Variants in NEGR1 observed in about 807,000 individuals in gnomAD.
The protein encoded by NEGR1 is neuronal growth regulator 1, also known as IgLON family member 4.
NEGR1 carries 10 observed loss-of-function variants against 40.9 expected under a neutral mutation model. That is an observed-to-expected ratio of 0.24 (90% CI 0.15 to 0.42). NEGR1 has a LOEUF of 0.42. NEGR1 is among the 10% of genes least tolerant of loss of function. The probability of loss-of-function intolerance (pLI) is 1.00; values close to 1 mark genes in which losing one functional copy is unlikely to be tolerated. For synonymous variants in NEGR1, 185 were observed against 166.8 expected, an observed-to-expected ratio of 1.11 and a Z score of -0.84; for missense variants, 352 against 438.9, an observed-to-expected ratio of 0.80 and a Z score of 1.77.
At chr1:71,478,573 G>T (rs188371471) in intron 6 of NEGR1, among the ~76,000 whole-genome samples, 1 of 152,032 alleles carries the variant, frequency 6.6e-6, no homozygotes, top group South Asian at 2.1e-4. Flanking sequence ...TCTTAGTTTG[G>T]GTAGGAATGG....
At chr1:72,212,722 G>A (rs889375318) in intron 1 of NEGR1, among the ~76,000 whole-genome samples, 9 of 151,910 alleles carry the variant, frequency 5.9e-5, no homozygotes, top group Admixed American at 4.0e-4. Flanking sequence ...AGATCAAACA[G>A]CTATTCTAAA....
At chr1:71,872,953 G>A (rs938969579) in intron 2 of NEGR1, among the ~76,000 whole-genome samples, 6 of 151,560 alleles carry the variant, frequency 4.0e-5, no homozygotes, top group Admixed American at 2.0e-4. Flanking sequence ...GGAAGTTAGC[G>A]GAACCCACAC....
chr1:71,904,596 G>A (rs1374776523), intron 2 of NEGR1, among the ~76,000 whole-genome samples: 1 of 152,120 alleles, frequency 6.6e-6, no homozygotes, highest in Admixed American at 6.6e-5. Flanking sequence ...AGGAAGTAAA[G>A]AGAAAGTTTG....
chr1:71,650,881 A>C (rs773787057), intron 4 of NEGR1, among the ~76,000 whole-genome samples: 1 of 152,186 alleles, frequency 6.6e-6, no homozygotes, highest in East Asian at 1.9e-4. Flanking sequence ...TATTTAGGGC[A>C]GTAGAATGAT....
intron 3 of NEGR1, among the ~76,000 whole-genome samples, chr1:71,757,818 A>G (rs1655794350): frequency 1.3e-5 from 2 of 152,120 alleles, no homozygotes; most frequent in African/African-American, 4.8e-5. Context: ...GGCAATCATT[A>G]ACTTGCATTT....
intron 1 of NEGR1, among the ~76,000 whole-genome samples, chr1:72,199,146 CAGACAGAGAGAG>C (rs1300638771): frequency 4.1e-4 from 57 of 139,172 alleles, no homozygotes; most frequent in South Asian, 4.6e-4. Flanking sequence ...TCTAGATAGA[CAGACAGAGAGAG>C]AGAGAGAGAG....
intron 2 of NEGR1, among the ~76,000 whole-genome samples, chr1:71,909,627 G>C (rs1661369568): frequency 6.6e-6 from 1 of 152,122 alleles, no homozygotes; most frequent in African/African-American, 2.4e-5. Flanking sequence ...TGAATTGTCA[G>C]TTTTAACTGG....
intron 2 of NEGR1, among the ~76,000 whole-genome samples, chr1:71,794,790 A>G (rs900397739): frequency 2.0e-5 from 3 of 152,128 alleles, no homozygotes; most frequent in African/African-American, 7.2e-5. Flanking sequence ...CCATAAACTG[A>G]TTTAAATAAA....
intron 3 of NEGR1, among the ~76,000 whole-genome samples, chr1:71,722,848 G>T (rs2101655197): frequency 6.6e-6 from 1 of 152,044 alleles, no homozygotes; most frequent in African/African-American, 2.4e-5. Context: ...TCAAGATCAG[G>T]AATATATCCA....
intron 1 of NEGR1, among the ~76,000 whole-genome samples, chr1:71,936,912 G>T (rs1174817509): frequency 6.6e-6 from 1 of 152,124 alleles, no homozygotes; most frequent in African/African-American, 2.4e-5. Flanking sequence ...AAAATGTTCT[G>T]TTACAAATTA....
At chr1:71,655,820 G>A (rs1651856757) in intron 4 of NEGR1, among the ~76,000 whole-genome samples, 1 of 152,154 alleles carries the variant, frequency 6.6e-6, no homozygotes. Flanking sequence ...ATCACAGAGG[G>A]AAAGTAGCAG....
At chr1:71,636,422 G>C (rs557578977) in intron 4 of NEGR1, among the ~76,000 whole-genome samples, 1 of 151,990 alleles carries the variant, frequency 6.6e-6, no homozygotes, top group Admixed American at 6.6e-5. Context: ...TTTTTTGAAG[G>C]CCACAGATAA....
intron 4 of NEGR1, among the ~76,000 whole-genome samples, chr1:71,692,299 A>G (rs1653313296): frequency 1.3e-5 from 2 of 151,880 alleles, no homozygotes; most frequent in South Asian, 2.1e-4. Flanking sequence ...CTTAAAAAAA[A>G]ACATAAAATA....
At chr1:71,876,092 G>A (rs1045122575) in intron 2 of NEGR1, among the ~76,000 whole-genome samples, 1 of 152,214 alleles carries the variant, frequency 6.6e-6, no homozygotes, top group African/African-American at 2.4e-5. Flanking sequence ...TAATGAAGAC[G>A]AGGAGCTCGG....
At chr1:71,450,179 C>A (rs576456403) in intron 6 of NEGR1, among the ~76,000 whole-genome samples, 1 of 151,446 alleles carries the variant, frequency 6.6e-6, no homozygotes, top group Non-Finnish European at 1.5e-5. Flanking sequence ...TTAGTAGAGA[C>A]GGGGTTTCAC....
At position 72,160,539 on chromosome 1, in the gene NEGR1, G is replaced by A. The variant is rs139100553; in HGVS notation, c.176+121780C>T. Among the ~76,000 whole-genome samples, 536 of 152,198 alleles carry A rather than the reference G, an allele frequency of 3.5e-3. 3 individuals carry two copies. The highest frequency in any genetic ancestry group is 0.012 in the African/African-American group (513 of 41,540). ...CAATTACAGAAAGACCAAAGGAGCAGCAGAAATAAGTCAAATAGTTCAAGT... is the reference window on the plus strand; with the variant it reads ...CAATTACAGAAAGACCAAAGGAGCAACAGAAATAAGTCAAATAGTTCAAGT... On this transcript the variant is annotated intron_variant, in intron 1 of 6. Transcript: ENST00000357731.
At chr1:72,204,092 T>A (rs1368289223) in intron 1 of NEGR1, among the ~76,000 whole-genome samples, 3 of 152,050 alleles carry the variant, frequency 2.0e-5, no homozygotes, top group Non-Finnish European at 4.4e-5. Flanking sequence ...ATTTCCAAGG[T>A]AAGCTTCTAG....
intron 6 of NEGR1, among the ~76,000 whole-genome samples, chr1:71,578,052 C>A (rs56654486): frequency 0.015 from 2,245 of 152,130 alleles, 52 homozygotes; most frequent in African/African-American, 0.052. Context: ...CTTACAGGAG[C>A]CATACTGAAT....
At chr1:71,930,570 G>A (rs995178054) in intron 2 of NEGR1, among the ~76,000 whole-genome samples, 2 of 151,870 alleles carry the variant, frequency 1.3e-5, no homozygotes, top group East Asian at 1.9e-4. Context: ...CTTCAAATCC[G>A]TTTTAACATA....
Sources: allele counts gnomAD v4.1 joint callset (sites outside exome capture counted in the v4.1 genomes callset), GRCh38; gene constraint gnomAD v4.1.1; transcripts MANE v1.5; gene names NCBI Gene and HGNC (gene_info 2026-07-23, HGNC 2026-07-21).